Variants in CRYBG1 observed in about 807,000 individuals in gnomAD.
CRYBG1 encodes the protein beta/gamma crystallin domain-containing protein 1.
Under a neutral mutation model 189.2 loss-of-function variants are expected in CRYBG1, and 139 were observed. That is an observed-to-expected ratio of 0.73 (90% CI 0.64 to 0.85). CRYBG1 has a LOEUF of 0.85. Among genes scored for constraint, CRYBG1 ranks in the 40% least tolerant of loss-of-function variants. The pLI, the probability that CRYBG1 is intolerant of heterozygous loss-of-function variation, is 0.00. For synonymous variants in CRYBG1, 1,023 were observed against 1,017.1 expected (o/e 1.01, Z -0.11); for missense variants, 2,611 against 2,675.8 (o/e 0.98, Z 0.53).
intron 1 of CRYBG1, among the ~76,000 whole-genome samples, chr6:106,450,384 C>T (rs1683062145): frequency 6.6e-6 from 1 of 152,184 alleles, no homozygotes; most frequent in East Asian, 1.9e-4. Flanking sequence ...CCCACAAAAG[C>T]TTCCGTTTCT....
chr6:106,491,988 C>G (rs1004387785), intron 2 of CRYBG1, among the ~76,000 whole-genome samples: 3 of 152,112 alleles, frequency 2.0e-5, no homozygotes, highest in Admixed American at 2.0e-4. Context: ...GTTGCCTTTC[C>G]TCAGTCTGTT....
At chr6:106,541,392 G>T in intron 9 of CRYBG1, 194 bp from the exon 10 acceptor site, 1 of 681,028 alleles carries the variant, frequency 1.5e-6, no homozygotes, top group South Asian at 1.6e-5. Flanking sequence ...GCTTGTGCGA[G>T]GCTCCGTTCT....
intron 9 of CRYBG1, among the ~76,000 whole-genome samples, chr6:106,539,922 A>G (rs1350759214): frequency 6.6e-6 from 1 of 152,204 alleles, no homozygotes; most frequent in Non-Finnish European, 1.5e-5. Context: ...GGAAAGCTTC[A>G]TGCTAAATTA....
chr6:106,436,329 C>T (rs1434424557), intron 1 of CRYBG1, among the ~76,000 whole-genome samples: 4 of 144,632 alleles, frequency 2.8e-5, no homozygotes, highest in Admixed American at 7.0e-5. Flanking sequence ...GACGGAGTCT[C>T]GCTCTGTTGC....
chr6:106,525,180 G>A lies in CRYBG1; in HGVS notation c.4293G>A (p.Lys1431=). The change falls in exon 5 of 22, where the codon AAG becomes AAA. Residue 1431 remains lysine (K), a splice_region_variant and synonymous_variant. Coordinates refer to ENST00000633556, the MANE Select transcript of CRYBG1 (RefSeq NM_001371242.2). ...ATAAACTCAATCCCCGACCTGGAAA[G>A]GTAAGATTATTTTCTGTTTCTAGTC... The part of the protein sequence containing the change: ...VQNKLNPRPG[K]VVIYSEPDVS... The A allele has an allele frequency of 2.5e-6, 4 of 1,614,108 alleles. No homozygotes were observed. Among genetic ancestry groups the A allele is most frequent in the Non-Finnish European group, 1.7e-6 (2 of 1,179,978 alleles).
At chr6:106,414,570 C>G (rs1770988020) in intron 1 of CRYBG1, among the ~76,000 whole-genome samples, 1 of 152,196 alleles carries the variant, frequency 6.6e-6, no homozygotes, top group African/African-American at 2.4e-5. Context: ...AGTGAGTAGA[C>G]TGGGAGTGGT....
At chr6:106,377,376 G>A (rs9373856) in intron 1 of CRYBG1, among the ~76,000 whole-genome samples, 5,168 of 152,126 alleles carry the variant, frequency 0.034, 246 homozygotes, top group East Asian at 0.21. Context: ...GTAGCAAAAA[G>A]TTAACTTCAT....
intron 2 of CRYBG1, among the ~76,000 whole-genome samples, chr6:106,490,573 A>T (rs932021394): frequency 6.6e-6 from 1 of 152,212 alleles, no homozygotes; most frequent in African/African-American, 2.4e-5. Context: ...AAATATGTTT[A>T]TATGAATTTT....
At chr6:106,433,736 CATATATATGTATATATATATGTGTATAT>C (rs1186699730) in intron 1 of CRYBG1, among the ~76,000 whole-genome samples, 1 of 27,648 alleles carries the variant, frequency 3.6e-5, no homozygotes, top group Non-Finnish European at 9.2e-5. Flanking sequence ...TATATATATA[CATATATATGTATATATATATGTGTATAT>C]ATATATATGT....
Position 106,543,607 on chromosome 6 carries a change from T to C in CRYBG1, c.5039+10T>C. ...AAGTTCTAAGAGGCATGTAAGTACA[T>C]GGGTGACTTGTTAGGATTTCTTTTT... On this transcript the variant is annotated intron_variant, in intron 11 of 21. Coordinates refer to ENST00000633556, the MANE Select transcript of CRYBG1 (RefSeq NM_001371242.2). 3 of 1,603,420 alleles carry C rather than the reference T, an allele frequency of 1.9e-6. No individual in the cohort carries two copies. The highest frequency in any genetic ancestry group is 2.6e-6 in the Non-Finnish European group (3 of 1,175,508).
intron 2 of CRYBG1, among the ~76,000 whole-genome samples, chr6:106,480,334 C>T (rs1582786559): frequency 6.6e-6 from 1 of 152,046 alleles, no homozygotes; most frequent in East Asian, 1.9e-4. Context: ...GTTAGGATTG[C>T]ACACTGTAGC....
intron 2 of CRYBG1, among the ~76,000 whole-genome samples, chr6:106,495,389 AAAC>A (rs2114499825): frequency 6.6e-6 from 1 of 152,334 alleles, no homozygotes; most frequent in Non-Finnish European, 1.5e-5. Context: ...TATCTATAGA[AAAC>A]AAAAAAGAAG....
At position 106,519,684 on chromosome 6, in the gene CRYBG1, C is replaced by A; in HGVS notation, c.2476C>A (p.Leu826Ile). ...EDSEAADSKS[L>I]VLENVTDTAQ... ...CTCAGAGGCTGCAGACAGCAAAAGC[C>A]TTGTACTTGAAAATGTAACCGATAC... Residue 826 changes from leucine to isoleucine, a missense_variant, in exon 4 of 22, where the codon CTT becomes ATT. Coordinates refer to ENST00000633556, the MANE Select transcript of CRYBG1 (RefSeq NM_001371242.2). 6.2e-7 allele frequency: 1 copy of A among 1,614,164 alleles called. No homozygotes were observed. The highest frequency in any genetic ancestry group is 8.5e-7 in the Non-Finnish European group (1 of 1,180,024).
At chr6:106,369,516 G>A (rs901266795) in intron 1 of CRYBG1, among the ~76,000 whole-genome samples, 19 of 152,192 alleles carry the variant, frequency 1.2e-4, no homozygotes, top group African/African-American at 4.3e-4. Flanking sequence ...TCACCATGCA[G>A]AGTACACCTC....
chr6:106,570,175 G>A lies in CRYBG1; in HGVS notation c.*1609G>A, dbSNP rs1334953112. The A allele has an allele frequency of 6.6e-6, 1 of 152,186 alleles. No individual in the cohort carries two copies. The highest frequency in any genetic ancestry group is 2.4e-5 in the African/African-American group (1 of 41,438). 9.4% of individuals were successfully genotyped at this position (152,186 alleles called of 1,614,324 possible). ...GCTCTTGTCACAGGTAGAACAGCTTGTTTCTTTTCCATCTATTCAAGTGTG... is the reference window on the plus strand; with the variant it reads ...GCTCTTGTCACAGGTAGAACAGCTTATTTCTTTTCCATCTATTCAAGTGTG... On this transcript the variant is annotated 3_prime_UTR_variant, in exon 22 of 22. Transcript: ENST00000633556.
At chr6:106,536,065 T>TTTCCC (rs1213740449) in intron 8 of CRYBG1, among the ~76,000 whole-genome samples, 19 of 876 alleles carry the variant, frequency 0.022, 8 homozygotes, top group South Asian at 0.17. Flanking sequence ...ATTACAGGCG[T>TTTCCC]GAGCCACTAA....
At chr6:106,471,594 C>G (rs3814077) in intron 2 of CRYBG1, among the ~76,000 whole-genome samples, 12,686 of 152,052 alleles carry the variant, frequency 0.083, 692 homozygotes, top group East Asian at 0.22. Flanking sequence ...ACTTTTAGGA[C>G]AGTGCTTGGT....
intron 1 of CRYBG1, among the ~76,000 whole-genome samples, chr6:106,361,978 T>TCTTTCTTTCTTTCTTTCTTTCTTTCTTTC (rs1345622462): frequency 7.4e-6 from 1 of 134,422 alleles, no homozygotes; most frequent in African/African-American, 2.8e-5. Flanking sequence ...TCTTTTTTTT[T>TCTTTCTTTCTTTCTTTCTTTCTTTCTTTC]TTTTTTTTCT....
intron 1 of CRYBG1, among the ~76,000 whole-genome samples, chr6:106,413,174 T>G (rs1770961335): frequency 6.6e-6 from 1 of 152,136 alleles, no homozygotes; most frequent in Non-Finnish European, 1.5e-5. Flanking sequence ...GAAAGAAAAC[T>G]TCCTGGTTTG....
Sources: gnomAD v4.1 joint callset for allele counts (sites outside exome capture counted in the v4.1 genomes callset) on GRCh38, gnomAD v4.1.1 for gene constraint, MANE v1.5 for transcripts, NCBI Gene and HGNC (gene_info 2026-07-23, HGNC 2026-07-21) for gene names.